SNUPN: variants seen among roughly 807,000 people sequenced by gnomAD.
SNUPN encodes the protein snurportin-1.
In SNUPN, 31 loss-of-function variants were observed where a neutral mutation model predicts 39.2. That is an observed-to-expected ratio of 0.79 (90% CI 0.59 to 1.07). The LOEUF (loss-of-function observed/expected upper bound fraction) is 1.07. Ranked by LOEUF, SNUPN falls within the 50% of genes least tolerant of loss-of-function variation. SNUPN has a pLI of 0.00. For missense variants in SNUPN, 382 were observed against 434.2 expected, an observed-to-expected ratio of 0.88 and a Z score of 1.07; for synonymous variants, 132 against 159.0, an observed-to-expected ratio of 0.83 and a Z score of 1.28.
chr15:75,622,906 G>A (rs917694476), intron 1 of SNUPN, among the ~76,000 whole-genome samples: 2 of 152,194 alleles, frequency 1.3e-5, no homozygotes, highest in Admixed American at 6.5e-5. Context: ...TCTGGAGGCT[G>A]AGGCAGGAGG....
rs1037107325 is a variant in SNUPN, at chr15:75,598,459, C to T, written c.982G>A (p.Ala328Thr). The T allele has an allele frequency of 6.2e-7, 1 of 1,614,180 alleles. No homozygotes were observed. The stretch of plus-strand genomic sequence containing the variant: ...AATTCATAGTGCCCATTCTCAGAGG[C>T]CTTGTGTGTGAGTTTCTCCTTCATG... ...EGMKEKLTHK[A>T]SENGHYELEH... Residue 328 changes from alanine to threonine, a missense_variant, in exon 9 of 9, where the codon GCC (alanine) becomes ACC (threonine). Ala to Thr is a moderately conservative substitution (Grantham distance 58). Coordinates refer to ENST00000308588, the MANE Select transcript of SNUPN (RefSeq NM_005701.4).
At chr15:75,602,499 C>A (rs554022157) in intron 7 of SNUPN, among the ~76,000 whole-genome samples, 5 of 146,794 alleles carry the variant, frequency 3.4e-5, no homozygotes, top group Admixed American at 1.4e-4. Context: ...GCACTCTAGC[C>A]TGAGCAACAG....
At chr15:75,616,689 A>G (rs1017972482) in intron 3 of SNUPN, among the ~76,000 whole-genome samples, 3 of 152,150 alleles carry the variant, frequency 2.0e-5, no homozygotes, top group African/African-American at 7.2e-5. Flanking sequence ...CTCCATCCCA[A>G]CTTGGACCCA....
At position 75,598,479 on chromosome 15, in the gene SNUPN, T is replaced by C. The variant is rs753412972; in HGVS notation, c.962A>G (p.Lys321Arg). 6 of 1,614,218 alleles carry C rather than the reference T, an allele frequency of 3.7e-6. No homozygotes were observed. In the South Asian group the frequency reaches 6.6e-5, roughly 18 times the overall value. The change falls in exon 9 of 9, where the codon AAG becomes AGG. Residue 321 changes from lysine to arginine, a missense_variant. Lys to Arg is a conservative substitution (Grantham distance 26, BLOSUM62 2). Coordinates refer to ENST00000308588, the MANE Select transcript of SNUPN (RefSeq NM_005701.4). ...EHKKSQKEGM[K>R]EKLTHKASEN... The stretch of plus-strand genomic sequence containing the variant: ...AGAGGCCTTGTGTGTGAGTTTCTCC[T>C]TCATGCCTTCCTTCTGGCTCTTCTT...
At chr15:75,601,011 G>C in intron 8 of SNUPN, 127 bp downstream of exon 8, 1 of 739,804 alleles carries the variant, frequency 1.4e-6, no homozygotes. Context: ...CCTTTCTCCA[G>C]AATCAGCTTT....
intron 4 of SNUPN, 80 bp downstream of exon 4, chr15:75,609,810 C>T (rs1020330554): frequency 1.2e-5 from 15 of 1,256,130 alleles, no homozygotes; most frequent in South Asian, 2.4e-5. Context: ...GCTGTTGTGG[C>T]GTATGAGGAA....
intron 1 of SNUPN, chr15:75,624,689 C>T: frequency 2.4e-6 from 3 of 1,235,994 alleles, no homozygotes; most frequent in Non-Finnish European, 3.1e-6. Flanking sequence ...AAACTGATGT[C>T]CTGGATACTG....
In SNUPN at chr15:75,621,061, A is replaced by C; in HGVS notation, c.-5-5T>G. ...GACTCAACTCTTCCATCTTCCCTAC[A>C]AAGGAAAACGTAAGAAAATGGTTCA... On this transcript the variant is annotated splice_polypyrimidine_tract_variant and splice_region_variant and intron_variant, in intron 1 of 8. Coordinates refer to ENST00000308588, the MANE Select transcript of SNUPN (RefSeq NM_005701.4). 6.2e-7 allele frequency: 1 copy of C among 1,613,734 alleles called. No individual in the cohort carries two copies. Among genetic ancestry groups the C allele is most frequent in the South Asian group, 1.1e-5 (1 of 91,052 alleles).
At chr15:75,607,402 T>C (rs1446759692) in intron 5 of SNUPN, 89 bp from the exon 6 acceptor site, 22 of 837,236 alleles carry the variant, frequency 2.6e-5, no homozygotes, top group Admixed American at 1.8e-5. Flanking sequence ...TCCCAGAGGC[T>C]TGAGTCCAAC....
intron 8 of SNUPN, chr15:75,600,808 G>A (rs2075279437): frequency 4.1e-6 from 1 of 244,704 alleles, no homozygotes; most frequent in Non-Finnish European, 8.1e-6. Flanking sequence ...GCTTGCAGTA[G>A]GAAGAGGCAC....
intron 1 of SNUPN, among the ~76,000 whole-genome samples, chr15:75,623,952 G>T (rs774305176): frequency 5.0e-5 from 7 of 140,662 alleles, no homozygotes; most frequent in African/African-American, 1.9e-4. Context: ...TTTTGAGACG[G>T]AGTCTCGCTC....
At position 75,601,191 on chromosome 15, in the gene SNUPN, G is replaced by A. The variant is rs78069432; in HGVS notation, c.706C>T (p.Pro236Ser). The A allele has an allele frequency of 5.5e-3, 8,847 of 1,613,546 alleles. 293 individuals carry two copies. In the East Asian group the frequency reaches 0.098, roughly 18 times the overall value. Residue 236 changes from proline (P) to serine (S), a missense_variant, in exon 8 of 9, where the codon CCT becomes TCT. By Grantham distance (74) the Pro-to-Ser change is moderately conservative. Transcript: ENST00000308588. The part of the protein sequence containing the change: ...PFKFVGLKNF[P>S]CTPESLCDVL... ...TCACACAGGCTTTCGGGAGTGCAAG[G>A]GAAGTTCTTTAGCCCCACAAATTTA...
At chr15:75,620,663 C>T (rs1893044968) in intron 2 of SNUPN, among the ~76,000 whole-genome samples, 1 of 152,168 alleles carries the variant, frequency 6.6e-6, no homozygotes, top group Non-Finnish European at 1.5e-5. Flanking sequence ...AATAATTGAG[C>T]TTTTGGTTTC....
intron 3 of SNUPN, among the ~76,000 whole-genome samples, chr15:75,615,765 T>C (rs983569803): frequency 5.3e-5 from 8 of 151,616 alleles, no homozygotes; most frequent in Non-Finnish European, 8.8e-5. Context: ...CCACCACGCC[T>C]GGCTAATTTT....
chr15:75,617,956 G>A lies in SNUPN; in HGVS notation c.159-404C>T, dbSNP rs1892977141. On this transcript the variant is annotated intron_variant, in intron 2 of 8. Coordinates refer to ENST00000308588, the MANE Select transcript of SNUPN (RefSeq NM_005701.4). ...TTTAATTCAAAAGCTCCAAATTTGG[G>A]AGCAACTTGGGGATTCTGGTGGAAG... 2.0e-5 allele frequency among the ~76,000 whole-genome samples: 3 copies of A among 152,254 alleles called. No individual in the cohort carries two copies. In the South Asian group the frequency reaches 6.2e-4, roughly 32 times the overall value.
chr15:75,620,445 T>C (rs896491052), intron 2 of SNUPN, among the ~76,000 whole-genome samples: 13 of 152,124 alleles, frequency 8.5e-5, no homozygotes, highest in African/African-American at 2.9e-4. Context: ...CCCTTAGGAA[T>C]TATTTGTCTT....
upstream of SNUPN, chr15:75,626,061 C>T (rs558875277): frequency 4.6e-4 from 70 of 152,446 alleles, no homozygotes; most frequent in African/African-American, 1.5e-3. Flanking sequence ...GGCCCTGCCG[C>T]CTCCCGCAGA....
chr15:75,598,334 G>C lies in SNUPN; in HGVS notation c.*24C>G. The C allele has an allele frequency of 6.3e-7, 1 of 1,585,620 alleles. No individual in the cohort carries two copies. On this transcript the variant is annotated 3_prime_UTR_variant, in exon 9 of 9. Transcript: ENST00000308588. ...CTTTTGGGGCCAGGTACCATCCTGTGGCTCCTTAAGGAGGCTTCTCTCTTT... is the reference window on the plus strand; with the variant it reads ...CTTTTGGGGCCAGGTACCATCCTGTCGCTCCTTAAGGAGGCTTCTCTCTTT...
chr15:75,616,700 T>C (rs1892947418), intron 3 of SNUPN, among the ~76,000 whole-genome samples: 1 of 152,144 alleles, frequency 6.6e-6, no homozygotes, highest in Admixed American at 6.5e-5. Context: ...CTTGGACCCA[T>C]ACCCTGCTTT....
Sources: allele counts gnomAD v4.1 joint callset (sites outside exome capture counted in the v4.1 genomes callset), GRCh38; gene constraint gnomAD v4.1.1; transcripts MANE v1.5; gene names NCBI Gene and HGNC (gene_info 2026-07-23, HGNC 2026-07-21).